Variants in CNGA3 observed in about 807,000 individuals in gnomAD.
The protein encoded by CNGA3 is cyclic nucleotide gated channel subunit alpha 3.
A neutral mutation model predicts 46.6 loss-of-function variants in CNGA3; 42 were observed. The ratio of observed to expected loss-of-function variants is 0.90; its 90% CI spans 0.70 to 1.17. The LOEUF is 1.17. Ranked by LOEUF, CNGA3 falls within the 50% of genes most tolerant of loss-of-function variation. CNGA3 has a pLI of 0.00. For missense variants in CNGA3, 893 were observed against 890.7 expected (o/e 1.00, Z -0.03); for synonymous variants, 394 against 369.4 (o/e 1.07, Z -0.76).
intron 2 of CNGA3, among the ~76,000 whole-genome samples, chr2:98,372,749 A>G (rs1402334826): frequency 6.6e-6 from 1 of 152,108 alleles, no homozygotes; most frequent in Non-Finnish European, 1.5e-5. Context: ...TAAGTGCTCA[A>G]TTGACTCCCA....
chr2:98,347,635 CCTCTGA>C lies in CNGA3; in HGVS notation c.-38+1103_-38+1108del, dbSNP rs767276508. Among the ~76,000 whole-genome samples the C allele has an allele frequency of 8.3e-4, 127 of 152,242 alleles. 1 individual carries two copies. The highest frequency in any genetic ancestry group is 3.7e-3 in the Admixed American group (56 of 15,292). On this transcript the variant is annotated intron_variant, in intron 1 of 7. Coordinates refer to ENST00000272602, the MANE Select transcript of CNGA3 (RefSeq NM_001298.3). The stretch of plus-strand genomic sequence containing the variant: ...CGGCCTCTTTGGCCTGAACCAGGTG[CCTCTGA>C]CACGCAGTCCGCCGGCTCAGGCCTC...
chr2:98,394,847 T>G (rs1384736697), intron 7 of CNGA3, among the ~76,000 whole-genome samples: 1 of 152,254 alleles, frequency 6.6e-6, no homozygotes, highest in Non-Finnish European at 1.5e-5. Flanking sequence ...TTTCACATGC[T>G]TACTTTATCT....
chr2:98,378,567 T>A (rs1394169963), intron 3 of CNGA3, among the ~76,000 whole-genome samples: 2 of 152,382 alleles, frequency 1.3e-5, no homozygotes, highest in Middle Eastern at 3.4e-3. Flanking sequence ...ATCTATTTAT[T>A]CTTCATGCTT....
chr2:98,389,857 G>T (rs75997200), intron 6 of CNGA3, 83 bp downstream of exon 6: 14 of 1,146,752 alleles, frequency 1.2e-5, no homozygotes, highest in Middle Eastern at 2.8e-4. Context: ...CCTCTCCCTC[G>T]GGAGGCCTGA....
intron 2 of CNGA3, among the ~76,000 whole-genome samples, chr2:98,373,098 C>T (rs1036137534): frequency 6.6e-6 from 1 of 152,196 alleles, no homozygotes; most frequent in African/African-American, 2.4e-5. Context: ...CAAGGAATGA[C>T]AGTGTGTACT....
At chr2:98,355,183 T>C (rs1274427668) in intron 1 of CNGA3, among the ~76,000 whole-genome samples, 3 of 152,130 alleles carry the variant, frequency 2.0e-5, no homozygotes, top group Admixed American at 2.0e-4. Context: ...GAAATCCTTT[T>C]GTATGTTGCT....
rs187443060 is a variant in CNGA3, at chr2:98,393,125, G to A, written c.673+1155G>A. Reference sequence around the variant, plus strand: ...TACAAAAAGAAAAAATTAGCTGGACGTGTTGGTGTGTGCCTCAGGAGGCTG... The same window carrying A: ...TACAAAAAGAAAAAATTAGCTGGACATGTTGGTGTGTGCCTCAGGAGGCTG... On this transcript the variant is annotated intron_variant, in intron 7 of 7. Transcript: ENST00000272602. Among the ~76,000 whole-genome samples, 312 of 152,110 alleles carry A rather than the reference G, an allele frequency of 2.1e-3. 3 individuals are homozygous for A. The highest frequency in any genetic ancestry group is 3.7e-3 in the East Asian group (19 of 5,176).
chr2:98,358,526 C>A (rs766310504), intron 1 of CNGA3, among the ~76,000 whole-genome samples: 1 of 152,070 alleles, frequency 6.6e-6, no homozygotes, highest in Non-Finnish European at 1.5e-5. Flanking sequence ...GGTACAGCTA[C>A]CAGTAGTAGA....
intron 1 of CNGA3, among the ~76,000 whole-genome samples, chr2:98,368,974 G>A (rs1046621128): frequency 9.2e-5 from 14 of 152,312 alleles, no homozygotes; most frequent in East Asian, 3.9e-4. Context: ...CAATAGTGAC[G>A]TTGCCTTTAA....
At chr2:98,367,177 TTTTTTTTC>T (rs1203972538) in intron 1 of CNGA3, among the ~76,000 whole-genome samples, 9 of 97,042 alleles carry the variant, frequency 9.3e-5, no homozygotes, top group African/African-American at 2.6e-4. Flanking sequence ...GTTTTTTTTC[TTTTTTTTC>T]TTTTTTTTTT....
chr2:98,394,349 C>A (rs1316772345), intron 7 of CNGA3, among the ~76,000 whole-genome samples: 1 of 152,102 alleles, frequency 6.6e-6, no homozygotes, highest in Non-Finnish European at 1.5e-5. Context: ...ATTTTAAAAG[C>A]CCTTTGGGTA....
Position 98,396,839 on chromosome 2 carries a change from G to A in CNGA3, c.1669G>A (p.Gly557Arg), listed in dbSNP as rs104893615. 127 of 1,614,064 alleles carry A rather than the reference G, an allele frequency of 7.9e-5. No individual in the cohort carries two copies. Among genetic ancestry groups the A allele is most frequent in the Admixed American group, 6.7e-5 (4 of 60,014 alleles). Residue 557 changes from glycine (G) to arginine (R), a missense_variant, in exon 8 of 8, where the codon GGG becomes AGG. Gly to Arg is a moderately radical substitution (Grantham distance 125). This residue lies in a region of CNGA3 where 548 missense variants were observed against 570.8 expected (regional missense o/e 0.96). Coordinates refer to ENST00000272602, the MANE Select transcript of CNGA3 (RefSeq NM_001298.3). ...FGEISILNIK[G>R]SKSGNRRTAN... is the part of the protein sequence containing the mutation. ...GGAGATCAGCATTCTGAACATCAAG[G>A]GGAGCAAGTCGGGGAACCGCAGGAC...
chr2:98,349,616 C>T (rs538308431), intron 1 of CNGA3, among the ~76,000 whole-genome samples: 1 of 152,286 alleles, frequency 6.6e-6, no homozygotes, highest in South Asian at 2.1e-4. Flanking sequence ...TTTCAGCCAT[C>T]CTGGGGAGAG....
At chr2:98,346,586 G>A (rs941018919) in intron 1 of CNGA3, 52 bp downstream of exon 1, 4 of 397,096 alleles carry the variant, frequency 1.0e-5, no homozygotes, top group Admixed American at 4.4e-5. Context: ...GGCGCCGGGA[G>A]GTGTGCTGGG....
intron 1 of CNGA3, among the ~76,000 whole-genome samples, chr2:98,365,225 T>C (rs1478705788): frequency 6.6e-6 from 1 of 152,152 alleles, no homozygotes; most frequent in African/African-American, 2.4e-5. Context: ...GCAAATCACT[T>C]GAAGTTAGGA....
intron 1 of CNGA3, among the ~76,000 whole-genome samples, chr2:98,347,545 G>A (rs536783305): frequency 1.4e-4 from 21 of 152,346 alleles, no homozygotes; most frequent in South Asian, 1.2e-3. Flanking sequence ...GGGGGTCTCC[G>A]GTTGGCGCGG....
chr2:98,396,811 C>A lies in CNGA3; in HGVS notation c.1641C>A (p.Phe547Leu), dbSNP rs104893617. The stretch of plus-strand genomic sequence containing the variant: ...TGGTCCTCAGCGATGGCAGCTACTT[C>A]GGGGAGATCAGCATTCTGAACATCA... ...QFVVLSDGSY[F>L]GEISILNIKG... The change falls in exon 8 of 8, where the codon TTC (phenylalanine) becomes TTA (leucine). Residue 547 changes from phenylalanine (F) to leucine (L), a missense_variant. Physicochemically the swap from Phe to Leu is conservative, Grantham distance 22. Coordinates refer to ENST00000272602, the MANE Select transcript of CNGA3 (RefSeq NM_001298.3). The A allele has an allele frequency of 9.5e-5, 153 of 1,614,026 alleles. 1 individual carries two copies. The highest frequency in any genetic ancestry group is 5.6e-4 in the South Asian group (51 of 91,086).
intron 4 of CNGA3, among the ~76,000 whole-genome samples, chr2:98,382,784 CA>C (rs1350135546): frequency 2.6e-5 from 4 of 152,206 alleles, no homozygotes; most frequent in African/African-American, 9.6e-5. Flanking sequence ...TCACATAGAT[CA>C]GGGGTGTCAG....
intron 1 of CNGA3, 107 bp from the exon 2 acceptor site, chr2:98,369,832 C>A: frequency 1.4e-6 from 1 of 695,856 alleles, no homozygotes; most frequent in Non-Finnish European, 2.6e-6. Flanking sequence ...GGTGTGCCTG[C>A]CAGGGCTTGC....
Sources: allele counts gnomAD v4.1 joint callset (sites outside exome capture counted in the v4.1 genomes callset), GRCh38; gene constraint gnomAD v4.1.1; regional missense constraint gnomAD v4.1.1; transcripts MANE v1.5; gene names NCBI Gene and HGNC (gene_info 2026-07-23, HGNC 2026-07-21).